Variants in SPAG9 observed in about 807,000 individuals in gnomAD.
The protein encoded by SPAG9 is sperm associated antigen 9.
A neutral mutation model predicts 166.5 loss-of-function variants in SPAG9; 35 were observed. The ratio of observed to expected loss-of-function variants is 0.21; its 90% confidence interval spans 0.16 to 0.28. The LOEUF is 0.28. Among genes scored for constraint, SPAG9 ranks in the 10% least tolerant of loss-of-function variants. SPAG9 has a pLI of 1.00. For synonymous variants in SPAG9, 534 were observed against 565.5 expected, an observed-to-expected ratio of 0.94 and a Z score of 0.79; for missense variants, 1,235 against 1,603.3, an observed-to-expected ratio of 0.77 and a Z score of 3.92.
intron 12 of SPAG9, among the ~76,000 whole-genome samples, chr17:51,004,903 A>G (rs1310349781): frequency 6.6e-6 from 1 of 152,194 alleles, no homozygotes; most frequent in Non-Finnish European, 1.5e-5. Context: ...CTAAATCAAA[A>G]TTTGAAACGA....
intron 22 of SPAG9, among the ~76,000 whole-genome samples, chr17:50,986,816 G>T (rs865985177): frequency 6.6e-6 from 1 of 152,106 alleles, no homozygotes; most frequent in Non-Finnish European, 1.5e-5. Flanking sequence ...TCTTTGTGCT[G>T]TTCAGGATCT....
chr17:50,970,090 G>A (rs769857078), intron 29 of SPAG9, among the ~76,000 whole-genome samples: 7 of 152,158 alleles, frequency 4.6e-5, no homozygotes, highest in Non-Finnish European at 1.0e-4. Context: ...ACAGAAAACC[G>A]AGGCTCTAAG....
At chr17:51,043,449 G>A (rs2046915524) in intron 4 of SPAG9, among the ~76,000 whole-genome samples, 1 of 152,098 alleles carries the variant, frequency 6.6e-6, no homozygotes, top group South Asian at 2.1e-4. Context: ...TCTTGAAAAT[G>A]ACTGACCCTT....
intron 1 of SPAG9, among the ~76,000 whole-genome samples, chr17:51,085,679 C>T (rs2048285743): frequency 6.6e-6 from 1 of 152,126 alleles, no homozygotes; most frequent in Non-Finnish European, 1.5e-5. Context: ...AACAGATAAA[C>T]TTAGAGATTA....
At chr17:51,096,846 C>G (rs1181733190) in intron 1 of SPAG9, among the ~76,000 whole-genome samples, 1 of 152,234 alleles carries the variant, frequency 6.6e-6, no homozygotes, top group African/African-American at 2.4e-5. Context: ...AGTTTCCTAA[C>G]ATATAATTCC....
chr17:51,069,268 G>C lies in SPAG9; in HGVS notation c.424+10316C>G, dbSNP rs1203045386. On this transcript the variant is annotated intron_variant, in intron 2 of 29. Coordinates refer to ENST00000262013, the MANE Select transcript of SPAG9 (RefSeq NM_001130528.3). ...CTTTTATCATTCTTAAAATTATGTA[G>C]AAGGAATTGCCTATTGACATAGAAC... Among the ~76,000 whole-genome samples the C allele has an allele frequency of 7.9e-5, 12 of 151,908 alleles. No individual in the cohort carries two copies. The East Asian group carries it at 2.1e-3, about 27-fold the overall frequency.
chr17:51,055,581 C>T (rs970489217), intron 3 of SPAG9, among the ~76,000 whole-genome samples: 6 of 150,014 alleles, frequency 4.0e-5, no homozygotes, highest in African/African-American at 1.2e-4. Flanking sequence ...AGAGATCACA[C>T]AAACTAGGGA....
chr17:50,998,184 A>G (rs945282525), intron 15 of SPAG9, among the ~76,000 whole-genome samples: 1 of 151,654 alleles, frequency 6.6e-6, no homozygotes. Flanking sequence ...GCCACACACC[A>G]CCACGCCCAG....
chr17:50,981,776 A>C (rs1005452563), intron 25 of SPAG9, among the ~76,000 whole-genome samples: 1 of 151,420 alleles, frequency 6.6e-6, no homozygotes, highest in African/African-American at 2.4e-5. Context: ...CTCATGCCTT[A>C]ACCCCAGGAC....
At chr17:51,105,140 A>G (rs944095768) in intron 1 of SPAG9, among the ~76,000 whole-genome samples, 1 of 152,060 alleles carries the variant, frequency 6.6e-6, no homozygotes, top group African/African-American at 2.4e-5. Flanking sequence ...AAAATCTGTT[A>G]GATGAGTAGG....
At position 50,980,641 on chromosome 17, in the gene SPAG9, G is replaced by C. The variant is rs554508954; in HGVS notation, c.3238-724C>G. On this transcript the variant is annotated intron_variant, in intron 25 of 29. Coordinates refer to ENST00000262013, the MANE Select transcript of SPAG9 (RefSeq NM_001130528.3). The stretch of plus-strand genomic sequence containing the variant: ...CCAGCACTTTGGAAGGCCGAGGTGG[G>C]AGGATCTCTTGAACACAGGAGTTTG... Among the ~76,000 whole-genome samples the C allele has an allele frequency of 4.6e-5, 7 of 152,070 alleles. No homozygotes were observed. In the East Asian group the frequency reaches 1.4e-3, roughly 30 times the overall value.
intron 7 of SPAG9, 132 bp downstream of exon 7, chr17:51,021,026 A>G: frequency 1.3e-6 from 1 of 741,352 alleles, no homozygotes; most frequent in Non-Finnish European, 2.3e-6. Context: ...CCACAGATAT[A>G]GAGGGCCAAC....
intron 1 of SPAG9, among the ~76,000 whole-genome samples, chr17:51,094,367 C>T (rs2048554629): frequency 6.6e-6 from 1 of 152,060 alleles, no homozygotes; most frequent in Non-Finnish European, 1.5e-5. Context: ...AAGCAGGGAA[C>T]AAATGAAAAC....
At chr17:50,983,625 T>C (rs538042727) in intron 24 of SPAG9, among the ~76,000 whole-genome samples, 1 of 152,340 alleles carries the variant, frequency 6.6e-6, no homozygotes, top group East Asian at 1.9e-4. Context: ...CATTGACACT[T>C]ACTAAATGCA....
chr17:51,112,437 C>T (rs1432730158), intron 1 of SPAG9, among the ~76,000 whole-genome samples: 1 of 150,372 alleles, frequency 6.7e-6, no homozygotes, highest in South Asian at 2.1e-4. Context: ...CTTTGGGAGG[C>T]TGGGGCAGGC....
intron 29 of SPAG9, among the ~76,000 whole-genome samples, chr17:50,967,794 T>C (rs1052597962): frequency 6.6e-6 from 1 of 152,192 alleles, no homozygotes; most frequent in Non-Finnish European, 1.5e-5. Flanking sequence ...AAAAAGGAAA[T>C]GGACCCCCAA....
chr17:50,981,281 G>A (rs534766924), intron 25 of SPAG9, among the ~76,000 whole-genome samples: 11 of 152,076 alleles, frequency 7.2e-5, no homozygotes, highest in Non-Finnish European at 1.6e-4. Context: ...CCATGCCCAA[G>A]ATATTTCATT....
intron 6 of SPAG9, among the ~76,000 whole-genome samples, chr17:51,029,285 C>T (rs1016021398): frequency 3.3e-5 from 5 of 152,142 alleles, no homozygotes; most frequent in Non-Finnish European, 1.5e-5. Flanking sequence ...GAGATATCAT[C>T]ACCTGGCCCC....
chr17:51,053,881 A>AG (rs1403964623), intron 3 of SPAG9, among the ~76,000 whole-genome samples: 4 of 109,440 alleles, frequency 3.7e-5, no homozygotes, highest in African/African-American at 1.3e-4. Context: ...ATATATATAT[A>AG]TATATATATA....
Sources: gnomAD v4.1 joint callset for allele counts (sites outside exome capture counted in the v4.1 genomes callset) on GRCh38, gnomAD v4.1.1 for gene constraint, MANE v1.5 for transcripts, NCBI Gene and HGNC (gene_info 2026-07-23, HGNC 2026-07-21) for gene names.